UTS2: variants seen among roughly 807,000 people sequenced by gnomAD.
The protein encoded by UTS2 is urotensin-2.
A neutral mutation model predicts 12.6 loss-of-function variants in UTS2; 10 were observed. That is an observed-to-expected ratio of 0.80 (90% confidence interval 0.49 to 1.35). The LOEUF (loss-of-function observed/expected upper bound fraction) is 1.35, where lower values mean the gene tolerates loss of function less well. Among genes scored for constraint, UTS2 ranks in the 40% most tolerant of loss-of-function variants. The pLI is 0.00. For synonymous variants in UTS2, 52 were observed against 50.0 expected (o/e 1.04, Z -0.17); for missense variants, 142 against 143.2 (o/e 0.99, Z 0.04).
chr1:7,861,568 C>T, the UTS2 span, among the ~76,000 whole-genome samples: 1 of 152,212 alleles, frequency 6.6e-6, no homozygotes, highest in African/African-American at 2.4e-5. Context: ...TTGCAGTGGG[C>T]TTGACCCGAT....
chr1:7,899,853 T>G, the UTS2 span, among the ~76,000 whole-genome samples: 1 of 152,172 alleles, frequency 6.6e-6, no homozygotes, highest in Non-Finnish European at 1.5e-5. Context: ...GTGGTCAATG[T>G]GTTGGTCAGA....
chr1:7,904,818 C>T, the UTS2 span, among the ~76,000 whole-genome samples: 4 of 143,354 alleles, frequency 2.8e-5, no homozygotes, highest in Admixed American at 7.4e-5. Flanking sequence ...GCAGGAGAAT[C>T]GCTTGAACCC....
At chr1:7,877,030 T>C in the UTS2 span, among the ~76,000 whole-genome samples, 1 of 148,848 alleles carries the variant, frequency 6.7e-6, no homozygotes, top group Admixed American at 6.9e-5. Flanking sequence ...CTCAGGAGGC[T>C]GAGGCAGGAG....
chr1:7,871,512 A>C, the UTS2 span, among the ~76,000 whole-genome samples: 2 of 152,144 alleles, frequency 1.3e-5, no homozygotes, highest in South Asian at 4.1e-4. Context: ...CCATGAGGGC[A>C]GGGCCGTGTC....
At chr1:7,877,132 AAAAAAAAAAAG>A in the UTS2 span, among the ~76,000 whole-genome samples, 1 of 94,430 alleles carries the variant, frequency 1.1e-5, no homozygotes. Flanking sequence ...CTATCAAAAA[AAAAAAAAAAAG>A]AAAAAAAAAA....
rs1407289613 is a variant in UTS2, at chr1:7,850,883, T to C, written c.143A>G (p.Glu48Gly). The change falls in exon 2 of 4, where the codon GAA becomes GGA. Residue 48 changes from glutamate (E) to glycine (G), a missense_variant. Transcript: ENST00000361696. ...EDARLTPEEL[E>G]RASLLQILPE... ...CAGTATCTGTAGAAGGGAAGCTCTT[T>C]CTAGCTCCTCCGGAGTTAAGCGCGC... is the stretch of plus-strand genomic sequence containing the variant. The C allele has an allele frequency of 8.7e-6, 14 of 1,614,034 alleles. No homozygotes were observed. The highest frequency in any genetic ancestry group is 1.1e-5 in the Non-Finnish European group (13 of 1,180,004).
At chr1:7,893,055 C>T in the UTS2 span, among the ~76,000 whole-genome samples, 2 of 152,120 alleles carry the variant, frequency 1.3e-5, no homozygotes, top group African/African-American at 4.8e-5. Context: ...GCTCCTAGCT[C>T]GTAGCACAAG....
chr1:7,892,474 T>TG, the UTS2 span, among the ~76,000 whole-genome samples: 1 of 125,038 alleles, frequency 8.0e-6, no homozygotes, highest in Non-Finnish European at 1.6e-5. Context: ...TGCATGTTTT[T>TG]TTTTTTTTTT....
At chr1:7,883,233 A>T in the UTS2 span, among the ~76,000 whole-genome samples, 1 of 152,258 alleles carries the variant, frequency 6.6e-6, no homozygotes, top group African/African-American at 2.4e-5. Flanking sequence ...ATTTGCAGCA[A>T]CATGGATTGA....
At chr1:7,910,188 C>A in the UTS2 span, among the ~76,000 whole-genome samples, 7,567 of 152,150 alleles carry the variant, frequency 0.05, 246 homozygotes, top group Non-Finnish European at 0.073. Flanking sequence ...AAACATGAAT[C>A]CCCCTTCCCC....
chr1:7,860,338 C>A, the UTS2 span, among the ~76,000 whole-genome samples: 1 of 151,926 alleles, frequency 6.6e-6, no homozygotes. Context: ...GATGGAACAG[C>A]GAGTGCCAAG....
chr1:7,854,911 A>G (rs1558507075), upstream of UTS2, among the ~76,000 whole-genome samples: 3 of 152,200 alleles, frequency 2.0e-5, no homozygotes, highest in Admixed American at 6.5e-5. Context: ...CTGTAATCCC[A>G]GCACTTTGGG....
the UTS2 span, among the ~76,000 whole-genome samples, chr1:7,890,104 C>G: frequency 1.4e-5 from 2 of 143,382 alleles, no homozygotes; most frequent in African/African-American, 5.3e-5. Flanking sequence ...CCAGCCTGGG[C>G]AACAGAGCGA....
upstream of UTS2, among the ~76,000 whole-genome samples, chr1:7,855,710 TTA>T (rs1638292709): frequency 1.3e-5 from 2 of 151,074 alleles, no homozygotes; most frequent in South Asian, 2.1e-4. Context: ...TATTATTATT[TTA>T]TTATTTTGAG....
At chr1:7,877,938 G>A in the UTS2 span, among the ~76,000 whole-genome samples, 9 of 151,908 alleles carry the variant, frequency 5.9e-5, no homozygotes, top group Admixed American at 1.3e-4. Context: ...TCCAGATACC[G>A]GAAGCTCAAA....
the UTS2 span, among the ~76,000 whole-genome samples, chr1:7,863,127 T>TGTATTGTATTG: frequency 1.3e-5 from 2 of 150,386 alleles, no homozygotes; most frequent in African/African-American, 2.5e-5. Flanking sequence ...TGTATTGTAT[T>TGTATTGTATTG]TGAGACGAAG....
chr1:7,905,608 C>T, the UTS2 span, among the ~76,000 whole-genome samples: 8 of 152,182 alleles, frequency 5.3e-5, no homozygotes, highest in South Asian at 1.5e-3. Flanking sequence ...ATGTTGAAGG[C>T]CTCAAGAGAA....
chr1:7,901,179 T>C, the UTS2 span, among the ~76,000 whole-genome samples: 1 of 152,216 alleles, frequency 6.6e-6, no homozygotes, highest in African/African-American at 2.4e-5. Flanking sequence ...ATGGTAAGCT[T>C]TCATTCTACA....
chr1:7,866,016 C>A, the UTS2 span, among the ~76,000 whole-genome samples: 1 of 152,180 alleles, frequency 6.6e-6, no homozygotes, highest in Non-Finnish European at 1.5e-5. This position sits in a 1 kb window ranked among gnomAD's most constrained non-coding sequence, Gnocchi z 4.5. Flanking sequence ...CAAGTGTTAG[C>A]CCATGACAGG....
Sources: gnomAD v4.1 joint callset for allele counts (sites outside exome capture counted in the v4.1 genomes callset) on GRCh38, gnomAD v4.1.1 for gene constraint, Gnocchi (gnomAD v3.1) non-coding constraint, MANE v1.5 for transcripts, NCBI Gene and HGNC (gene_info 2026-07-23, HGNC 2026-07-21) for gene names.